The following KCNT2 variants were observed in gnomAD, a reference collection of about 807,000 sequenced individuals.
KCNT2 encodes potassium channel subfamily T member 2.
KCNT2 carries 67 observed loss-of-function variants against 153.8 expected under a neutral mutation model. That is an observed-to-expected ratio of 0.44 (90% CI 0.36 to 0.53). The LOEUF (loss-of-function observed/expected upper bound fraction) is 0.53, where lower values mean the gene tolerates loss of function less well. Ranked by LOEUF, KCNT2 falls within the 20% of genes least tolerant of loss-of-function variation. KCNT2 has a pLI of 0.00. For synonymous variants in KCNT2, 500 were observed against 458.8 expected, an observed-to-expected ratio of 1.09 and a Z score of -1.15; for missense variants, 975 against 1,354.8, an observed-to-expected ratio of 0.72 and a Z score of 4.40.
intron 1 of KCNT2, among the ~76,000 whole-genome samples, chr1:196,598,056 A>G (rs987644317): frequency 2.0e-5 from 3 of 152,208 alleles, no homozygotes; most frequent in African/African-American, 7.2e-5. Flanking sequence ...TTAAAAAATA[A>G]AACACATAGC....
intron 8 of KCNT2, among the ~76,000 whole-genome samples, chr1:196,455,074 C>G (rs1676542746): frequency 1.3e-5 from 2 of 152,112 alleles, no homozygotes; most frequent in South Asian, 4.1e-4. Flanking sequence ...AGCTTCAAAG[C>G]TGGAAATGGC....
chr1:196,410,973 T>C (rs1672250423), intron 12 of KCNT2, among the ~76,000 whole-genome samples: 2 of 149,662 alleles, frequency 1.3e-5, no homozygotes, highest in Admixed American at 1.3e-4. Flanking sequence ...TTCCTTTCCC[T>C]TACTCCCCTC....
chr1:196,453,044 T>A (rs113430060), intron 8 of KCNT2, among the ~76,000 whole-genome samples: 5 of 151,962 alleles, frequency 3.3e-5, no homozygotes, highest in Non-Finnish European at 7.4e-5. Flanking sequence ...AAGCTGTTTT[T>A]GCCTGTTATT....
At chr1:196,315,862 G>A in intron 21 of KCNT2, 30 bp downstream of exon 21, 1 of 1,581,872 alleles carries the variant, frequency 6.3e-7, no homozygotes, top group Non-Finnish European at 8.6e-7. Flanking sequence ...CACAAAGTAA[G>A]TGGCAAGGTT....
At chr1:196,258,087 A>G in intron 26 of KCNT2, 107 bp downstream of exon 26, 1 of 1,466,724 alleles carries the variant, frequency 6.8e-7, no homozygotes, top group Non-Finnish European at 9.0e-7. Context: ...CTACTAATTG[A>G]CCTGTGAAGC....
rs182444357 is a variant in KCNT2, at chr1:196,296,423, C to T, written c.2595+8811G>A. 3.7e-3 allele frequency among the ~76,000 whole-genome samples: 568 copies of T among 151,752 alleles called. 4 individuals are homozygous for T. Among genetic ancestry groups the T allele is most frequent in the African/African-American group, 0.012 (502 of 41,446 alleles). ...TATATTACAAATATGAATAAGTATA[C>T]GGAGACTATAATTTTAGATTCCTAA... On this transcript the variant is annotated intron_variant, in intron 22 of 27. Coordinates refer to ENST00000294725, the MANE Select transcript of KCNT2 (RefSeq NM_198503.5).
chr1:196,528,915 G>A (rs943701107), intron 1 of KCNT2, among the ~76,000 whole-genome samples: 1 of 152,080 alleles, frequency 6.6e-6, no homozygotes, highest in Non-Finnish European at 1.5e-5. Context: ...ATTGCCCCAT[G>A]CCTTTCATGC....
rs529118389 is a variant in KCNT2, at chr1:196,515,694, G to C, written c.96-23353C>G. ...GTGTGCCACTCTTATGGAGAAAAGT[G>C]AAGGGGCAAGTAAATACAGCACCTT... On this transcript the variant is annotated intron_variant, in intron 1 of 27. Coordinates refer to ENST00000294725, the MANE Select transcript of KCNT2 (RefSeq NM_198503.5). Among the ~76,000 whole-genome samples, 3 of 152,294 alleles carry C rather than the reference G, an allele frequency of 2.0e-5. No individual in the cohort carries two copies. The South Asian group carries it at 6.2e-4, about 32-fold the overall frequency.
chr1:196,398,150 G>A (rs1330359179), intron 13 of KCNT2, among the ~76,000 whole-genome samples: 1 of 151,378 alleles, frequency 6.6e-6, no homozygotes, highest in South Asian at 2.1e-4. Context: ...CAATGTATTA[G>A]TCTATTGCAT....
At chr1:196,309,998 C>T (rs569454035) in intron 21 of KCNT2, among the ~76,000 whole-genome samples, 1 of 151,856 alleles carries the variant, frequency 6.6e-6, no homozygotes, top group South Asian at 2.1e-4. Flanking sequence ...TCTCTGCCTG[C>T]ATTAATTTAT....
Position 196,335,478 on chromosome 1 carries a change from G to T in KCNT2, c.1784-1418C>A, listed in dbSNP as rs576602265. ...GTACAGCATGTTACTGTACTGATTGGTGTAGTCAATTCTAACACAATGGTA... is the reference window on the plus strand; with the variant it reads ...GTACAGCATGTTACTGTACTGATTGTTGTAGTCAATTCTAACACAATGGTA... On this transcript the variant is annotated intron_variant, in intron 16 of 27. Coordinates refer to ENST00000294725, the MANE Select transcript of KCNT2 (RefSeq NM_198503.5). Among the ~76,000 whole-genome samples the T allele has an allele frequency of 1.9e-4, 29 of 152,202 alleles. No homozygotes were observed. In the South Asian group the frequency reaches 2.7e-3, roughly 14 times the overall value.
intron 8 of KCNT2, among the ~76,000 whole-genome samples, chr1:196,461,052 GA>G (rs952972406): frequency 1.4e-4 from 21 of 151,438 alleles, no homozygotes; most frequent in African/African-American, 5.1e-4. Context: ...AAAAAACTAG[GA>G]ACCAAATATG....
intron 16 of KCNT2, 116 bp from the exon 17 acceptor site, chr1:196,334,176 T>C: frequency 2.8e-5 from 16 of 578,394 alleles, no homozygotes; most frequent in Non-Finnish European, 4.9e-5. Flanking sequence ...ATAGAGAGAG[T>C]ATATATTTAT....
At chr1:196,259,083 T>C (rs1289767083) in intron 25 of KCNT2, among the ~76,000 whole-genome samples, 3 of 152,136 alleles carry the variant, frequency 2.0e-5, no homozygotes, top group Admixed American at 6.5e-5. Context: ...ATTAACCATA[T>C]AAAGTGCTTT....
intron 14 of KCNT2, among the ~76,000 whole-genome samples, chr1:196,362,164 C>A (rs1470029010): frequency 6.6e-6 from 1 of 151,958 alleles, no homozygotes; most frequent in Non-Finnish European, 1.5e-5. Flanking sequence ...TAATTATAAT[C>A]CCTATTACTT....
chr1:196,451,567 A>C (rs1360541690), intron 8 of KCNT2, among the ~76,000 whole-genome samples: 2 of 150,526 alleles, frequency 1.3e-5, no homozygotes, highest in Non-Finnish European at 3.0e-5. Flanking sequence ...CTTTCTTTTC[A>C]TTTGCACTTT....
chr1:196,281,926 T>C (rs1319269801), intron 24 of KCNT2, among the ~76,000 whole-genome samples: 3 of 151,860 alleles, frequency 2.0e-5, no homozygotes, highest in African/African-American at 7.3e-5. Context: ...ATTTTTTGTA[T>C]TTTTAGTGGA....
intron 1 of KCNT2, among the ~76,000 whole-genome samples, chr1:196,496,217 C>T (rs982094330): frequency 2.0e-5 from 3 of 152,064 alleles, no homozygotes; most frequent in Non-Finnish European, 4.4e-5. Flanking sequence ...CACCTGTAAT[C>T]CCAGCAATTT....
At chr1:196,427,606 T>G (rs190404083) in intron 10 of KCNT2, among the ~76,000 whole-genome samples, 24 of 152,186 alleles carry the variant, frequency 1.6e-4, no homozygotes, top group African/African-American at 5.5e-4. Flanking sequence ...TTTTTGGTCA[T>G]GTATTGCTAT....
Sources: allele counts gnomAD v4.1 joint callset (sites outside exome capture counted in the v4.1 genomes callset), GRCh38; gene constraint gnomAD v4.1.1; transcripts MANE v1.5; gene names NCBI Gene and HGNC (gene_info 2026-07-23, HGNC 2026-07-21).